The following SPMIP7 variants were observed in gnomAD, a reference collection of about 807,000 sequenced individuals.
The protein encoded by SPMIP7 is sperm microtubule inner protein 7, also known as protein SPMIP7.
chr7:50,151,911 C>T, the SPMIP7 span, among the ~76,000 whole-genome samples: 51 of 152,266 alleles, frequency 3.3e-4, 4 homozygotes, highest in South Asian at 0.011. Flanking sequence ...ACACACATCA[C>T]CCTTCTGCAT....
the SPMIP7 span, among the ~76,000 whole-genome samples, chr7:50,139,552 G>A: frequency 9.9e-5 from 15 of 152,180 alleles, no homozygotes; most frequent in African/African-American, 3.4e-4. Flanking sequence ...TCAGGGAGAT[G>A]ATAATTTTTT....
the SPMIP7 span, among the ~76,000 whole-genome samples, chr7:50,109,082 G>A: frequency 6.6e-6 from 1 of 152,066 alleles, no homozygotes; most frequent in Non-Finnish European, 1.5e-5. Context: ...CTTTAGTATT[G>A]CACTATGTTT....
At chr7:50,101,942 A>C in the SPMIP7 span, among the ~76,000 whole-genome samples, 2 of 152,224 alleles carry the variant, frequency 1.3e-5, no homozygotes. Flanking sequence ...TCCAGCTTAA[A>C]GTGAAACCCG....
chr7:50,156,674 C>G, the SPMIP7 span, among the ~76,000 whole-genome samples: 1 of 151,570 alleles, frequency 6.6e-6, no homozygotes, highest in African/African-American at 2.4e-5. Context: ...TGCTGTCTCC[C>G]TTTTCCCCCA....
the SPMIP7 span, chr7:50,096,188 C>A: frequency 1.3e-6 from 2 of 1,551,716 alleles, no homozygotes; most frequent in East Asian, 2.4e-5. Flanking sequence ...CTATTGTGAT[C>A]TCTTAAGAAA....
At chr7:50,118,358 G>A in the SPMIP7 span, among the ~76,000 whole-genome samples, 9 of 152,210 alleles carry the variant, frequency 5.9e-5, 1 homozygote, top group South Asian at 6.2e-4. Flanking sequence ...AACAAATACT[G>A]GTGGGGTAAC....
At chr7:50,153,510 T>C in the SPMIP7 span, among the ~76,000 whole-genome samples, 1 of 152,226 alleles carries the variant, frequency 6.6e-6, no homozygotes, top group Non-Finnish European at 1.5e-5. Context: ...CATCTCTCAA[T>C]GAGAAATAAA....
the SPMIP7 span, among the ~76,000 whole-genome samples, chr7:50,117,050 T>A: frequency 3.3e-5 from 5 of 152,106 alleles, no homozygotes; most frequent in African/African-American, 2.4e-5. Context: ...GGGTCCCACA[T>A]TTTCCCTAAT....
chr7:50,102,041 C>T, the SPMIP7 span, among the ~76,000 whole-genome samples: 1 of 152,150 alleles, frequency 6.6e-6, no homozygotes, highest in Non-Finnish European at 1.5e-5. Context: ...CCAAAATTTG[C>T]CGGGCGCAGC....
chr7:50,159,030 T>C, the SPMIP7 span: 1,547,745 of 1,550,820 alleles, frequency 1, 772,398 homozygotes, highest in East Asian at 1. Context: ...CTCCTTTTTT[T>C]CCCATCCTGC....
chr7:50,133,091 T>C, the SPMIP7 span, among the ~76,000 whole-genome samples: 366 of 152,288 alleles, frequency 2.4e-3, 9 homozygotes, highest in East Asian at 0.046. Context: ...TCCATCTATC[T>C]TGTCAGAATA....
chr7:50,125,131 C>CATAT, the SPMIP7 span, among the ~76,000 whole-genome samples: 1 of 68,792 alleles, frequency 1.5e-5, no homozygotes, highest in African/African-American at 5.1e-5. Flanking sequence ...CACACACACA[C>CATAT]ACACACACAC....
At chr7:50,151,475 G>A in the SPMIP7 span, 94 of 1,551,140 alleles carry the variant, frequency 6.1e-5, no homozygotes, top group African/African-American at 8.4e-4. Context: ...AGGATATACC[G>A]GCAAGGTTCA....
chr7:50,110,448 T>C, the SPMIP7 span, among the ~76,000 whole-genome samples: 4 of 147,210 alleles, frequency 2.7e-5, no homozygotes, highest in African/African-American at 9.9e-5. Context: ...GTTTATATAT[T>C]ATATATTGTA....
chr7:50,119,016 A>C, the SPMIP7 span, among the ~76,000 whole-genome samples: 302 of 152,290 alleles, frequency 2.0e-3, 1 homozygote, highest in African/African-American at 7.0e-3. Context: ...TATTTTCACC[A>C]GGTGAAGGAG....
the SPMIP7 span, among the ~76,000 whole-genome samples, chr7:50,119,377 T>G: frequency 1.0e-3 from 159 of 152,324 alleles, no homozygotes; most frequent in Non-Finnish European, 1.9e-3. Context: ...TCTGACATCA[T>G]GAAAACTGAA....
chr7:50,118,230 A>T, the SPMIP7 span, among the ~76,000 whole-genome samples: 1 of 152,162 alleles, frequency 6.6e-6, no homozygotes, highest in Non-Finnish European at 1.5e-5. Flanking sequence ...ATGGGTGCCT[A>T]ATACTTCCTT....
the SPMIP7 span, among the ~76,000 whole-genome samples, chr7:50,115,364 C>A: frequency 2.0e-5 from 3 of 151,992 alleles, no homozygotes; most frequent in East Asian, 3.9e-4. Context: ...GTAGATATCT[C>A]AAAACTCTGT....
At chr7:50,151,156 TGAG>T in the SPMIP7 span, among the ~76,000 whole-genome samples, 1 of 152,180 alleles carries the variant, frequency 6.6e-6, no homozygotes, top group South Asian at 2.1e-4. Context: ...AGCTCAGCAG[TGAG>T]TCATGTTTGT....
Sources: gnomAD v4.1 joint callset for allele counts (sites outside exome capture counted in the v4.1 genomes callset) on GRCh38, gnomAD v4.1.1 for gene constraint, MANE v1.5 for transcripts, NCBI Gene and HGNC (gene_info 2026-07-23, HGNC 2026-07-21) for gene names.